Variants in DAP observed in about 807,000 individuals in gnomAD.
The protein encoded by DAP is death-associated protein 1.
In DAP, 8 loss-of-function variants were observed where a neutral mutation model predicts 13.8. That is an observed-to-expected ratio of 0.58 (90% CI 0.34 to 1.05). The LOEUF is 1.05. Among genes scored for constraint, DAP ranks in the 50% least tolerant of loss-of-function variants. DAP has a pLI of 0.03. For synonymous variants in DAP, 47 were observed against 47.5 expected, an observed-to-expected ratio of 0.99 and a Z score of 0.04; for missense variants, 106 against 133.2, an observed-to-expected ratio of 0.80 and a Z score of 1.01.
intron 2 of DAP, among the ~76,000 whole-genome samples, chr5:10,700,265 A>G (rs1738543703): frequency 6.6e-6 from 1 of 152,188 alleles, no homozygotes; most frequent in Non-Finnish European, 1.5e-5. Flanking sequence ...AGATAAGTCC[A>G]CCCACCTGAC....
chr5:10,705,306 G>T (rs1738670737), intron 2 of DAP, among the ~76,000 whole-genome samples: 1 of 152,216 alleles, frequency 6.6e-6, no homozygotes, highest in African/African-American at 2.4e-5. Flanking sequence ...GGTGAAGGTG[G>T]TTTACACATT....
chr5:10,712,377 G>A (rs1264660935), intron 2 of DAP, among the ~76,000 whole-genome samples: 2 of 152,204 alleles, frequency 1.3e-5, no homozygotes, highest in Non-Finnish European at 2.9e-5. Context: ...ATTCGGATGG[G>A]GGAAGCTCCT....
chr5:10,687,941 G>A, intron 2 of DAP, among the ~76,000 whole-genome samples: 1 of 145,082 alleles, frequency 6.9e-6, no homozygotes, highest in Non-Finnish European at 1.5e-5. Context: ...AGAGGGAGAG[G>A]GTCTCACTCT....
At chr5:10,682,078 A>G (rs1738027868) in intron 3 of DAP, among the ~76,000 whole-genome samples, 2 of 150,884 alleles carry the variant, frequency 1.3e-5, no homozygotes, top group Non-Finnish European at 3.0e-5. Context: ...AACGCCCACC[A>G]GCGTCCCTGC....
chr5:10,755,454 T>C (rs1740158105), intron 1 of DAP, among the ~76,000 whole-genome samples: 1 of 152,180 alleles, frequency 6.6e-6, no homozygotes, highest in African/African-American at 2.4e-5. Flanking sequence ...GAAACTGATG[T>C]GATGATGCAT....
In DAP at chr5:10,694,113, C is replaced by T. The variant is rs1183672239; in HGVS notation, c.153-10542G>A. Among the ~76,000 whole-genome samples the T allele has an allele frequency of 3.3e-5, 5 of 152,116 alleles. No individual in the cohort carries two copies. In the East Asian group the frequency reaches 9.7e-4, roughly 29 times the overall value. On this transcript the variant is annotated intron_variant, in intron 2 of 3. Coordinates refer to ENST00000230895, the MANE Select transcript of DAP (RefSeq NM_004394.3). ...ATCTCAGACGACTCTGTTCCTCAGT[C>T]TCGGGAACAAAATGCAGGGGAGGCT...
intron 2 of DAP, among the ~76,000 whole-genome samples, chr5:10,699,074 G>A (rs540734976): frequency 9.7e-4 from 148 of 152,330 alleles, no homozygotes; most frequent in Non-Finnish European, 1.5e-3. Flanking sequence ...ATGACCCCTA[G>A]TCGGCAAATG....
intron 2 of DAP, among the ~76,000 whole-genome samples, chr5:10,689,430 C>T (rs937999594): frequency 3.9e-5 from 6 of 152,136 alleles, no homozygotes; most frequent in East Asian, 1.9e-4. Context: ...CAGGTTGCAG[C>T]GTCTAAGAGT....
chr5:10,708,369 C>T (rs1017266264), intron 2 of DAP, among the ~76,000 whole-genome samples: 4 of 151,926 alleles, frequency 2.6e-5, no homozygotes, highest in Non-Finnish European at 5.9e-5. Context: ...CACATACACA[C>T]ATGCACAGAC....
intron 2 of DAP, among the ~76,000 whole-genome samples, chr5:10,701,597 G>A (rs987030259): frequency 6.6e-6 from 1 of 151,526 alleles, no homozygotes; most frequent in African/African-American, 2.4e-5. Flanking sequence ...AAGGTTGAGG[G>A]GGACGGGGGG....
At chr5:10,732,907 T>C (rs1481290044) in intron 2 of DAP, among the ~76,000 whole-genome samples, 1 of 152,236 alleles carries the variant, frequency 6.6e-6, no homozygotes, top group East Asian at 1.9e-4. Context: ...CAGATCTTTG[T>C]CATCTTGCAA....
At chr5:10,711,776 A>C (rs925084623) in intron 2 of DAP, among the ~76,000 whole-genome samples, 6 of 152,230 alleles carry the variant, frequency 3.9e-5, no homozygotes, top group Non-Finnish European at 7.3e-5. Flanking sequence ...ATTAAACCCA[A>C]GTTTGGGACT....
intron 2 of DAP, among the ~76,000 whole-genome samples, chr5:10,727,680 G>C (rs1431287037): frequency 1.3e-5 from 2 of 152,196 alleles, no homozygotes; most frequent in Non-Finnish European, 2.9e-5. Context: ...GGACGAAAAT[G>C]GTGTGCTGTA....
At chr5:10,756,271 T>A in intron 1 of DAP, among the ~76,000 whole-genome samples, 1 of 140,686 alleles carries the variant, frequency 7.1e-6, no homozygotes, top group Admixed American at 7.0e-5. Context: ...GGCAGACCTC[T>A]TACCTGGACC....
rs146845288 is a variant in DAP at position 10,745,566 on chromosome 5, A to G, written c.152+2609T>C. Among the ~76,000 whole-genome samples, 700 of 152,328 alleles carry G rather than the reference A, an allele frequency of 4.6e-3. 2 individuals are homozygous for G. Among genetic ancestry groups the G allele is most frequent in the African/African-American group, 0.015 (644 of 41,572 alleles). On this transcript the variant is annotated intron_variant, in intron 2 of 3. Coordinates refer to ENST00000230895, the MANE Select transcript of DAP (RefSeq NM_004394.3). The stretch of plus-strand genomic sequence containing the variant: ...CCTCTTCAACTGTTCATCCTCTGGC[A>G]TATTTATTTAAATTGATCATCTTCT...
Position 10,715,081 on chromosome 5 carries a change from T to C in DAP, c.153-31510A>G, listed in dbSNP as rs1738949206. Among the ~76,000 whole-genome samples the C allele has an allele frequency of 3.3e-5, 5 of 152,332 alleles. No individual in the cohort carries two copies. In the South Asian group the frequency reaches 1.0e-3, roughly 32 times the overall value. On this transcript the variant is annotated intron_variant, in intron 2 of 3. Transcript: ENST00000230895. ...GATATGCACGCCATAAGGGTCTCTG[T>C]GTCTTCCAGAGTTGTGCCACAAATG... is the stretch of plus-strand genomic sequence containing the variant.
intron 2 of DAP, among the ~76,000 whole-genome samples, chr5:10,715,192 C>T (rs1738953449): frequency 6.6e-6 from 1 of 152,082 alleles, no homozygotes; most frequent in Admixed American, 6.6e-5. Flanking sequence ...GAGGAGGCCC[C>T]AAATGTAAAA....
At chr5:10,745,039 A>G (rs543099207) in intron 2 of DAP, among the ~76,000 whole-genome samples, 30 of 152,234 alleles carry the variant, frequency 2.0e-4, no homozygotes, top group Admixed American at 2.6e-4. Context: ...GATCAAATGA[A>G]TTAATATGAA....
chr5:10,749,670 T>C (rs1273069155), intron 1 of DAP, among the ~76,000 whole-genome samples: 2 of 151,752 alleles, frequency 1.3e-5, no homozygotes, highest in Non-Finnish European at 2.9e-5. Flanking sequence ...GCCCTTAGTG[T>C]GCTACCTGCA....
Sources: gnomAD v4.1 joint callset for allele counts (sites outside exome capture counted in the v4.1 genomes callset) on GRCh38, gnomAD v4.1.1 for gene constraint, MANE v1.5 for transcripts, NCBI Gene and HGNC (gene_info 2026-07-23, HGNC 2026-07-21) for gene names.